The following PKHD1 variants were observed in gnomAD, a reference collection of about 807,000 sequenced individuals.
PKHD1 encodes the protein PKHD1 ciliary IPT domain containing fibrocystin/polyductin.
Under a neutral mutation model 412.0 loss-of-function variants are expected in PKHD1, and 291 were observed. The ratio of observed to expected loss-of-function variants is 0.71; its 90% CI spans 0.64 to 0.78. The LOEUF (loss-of-function observed/expected upper bound fraction) is 0.78, where lower values mean the gene tolerates loss of function less well. PKHD1 is among the 30% of genes least tolerant of loss of function. The probability of loss-of-function intolerance (pLI) is 0.00; values close to 1 mark genes in which losing one functional copy is unlikely to be tolerated. For missense variants in PKHD1, 4,825 were observed against 4,950.7 expected, an observed-to-expected ratio of 0.97 and a Z score of 0.76; for synonymous variants, 1,777 against 1,821.5, an observed-to-expected ratio of 0.98 and a Z score of 0.62.
intron 36 of PKHD1, among the ~76,000 whole-genome samples, chr6:51,941,443 G>A (rs1788549246): frequency 6.7e-6 from 1 of 149,432 alleles, no homozygotes; most frequent in Non-Finnish European, 1.5e-5. Flanking sequence ...TTTTAGTAGA[G>A]ACGGGGTTTC....
Position 52,033,168 on chromosome 6 carries a change from G to A in PKHD1, c.3229-3C>T. On this transcript the variant is annotated splice_region_variant and splice_polypyrimidine_tract_variant and intron_variant, in intron 28 of 66. Coordinates refer to ENST00000371117, the MANE Select transcript of PKHD1 (RefSeq NM_138694.4). ...TTCACAATGCGTCCATCTTTCCCCT[G>A]AAAAATCAATTTTAAAAATTAAACC... The A allele has an allele frequency of 6.2e-7, 1 of 1,611,244 alleles. No homozygotes were observed. Among genetic ancestry groups the A allele is most frequent in the Non-Finnish European group, 8.5e-7 (1 of 1,177,820 alleles).
intron 60 of PKHD1, among the ~76,000 whole-genome samples, chr6:51,665,204 G>A (rs1338729579): frequency 6.6e-6 from 1 of 151,992 alleles, no homozygotes; most frequent in Non-Finnish European, 1.5e-5. Flanking sequence ...TATATTTCAA[G>A]GCTATGTAGT....
intron 61 of PKHD1, among the ~76,000 whole-genome samples, chr6:51,654,470 A>G: frequency 6.6e-6 from 1 of 152,114 alleles, no homozygotes; most frequent in South Asian, 2.1e-4. Context: ...TTGGCATGTA[A>G]GCTTTCAAGA....
intron 35 of PKHD1, among the ~76,000 whole-genome samples, chr6:51,963,440 T>C (rs1209065343): frequency 4.6e-5 from 7 of 152,172 alleles, no homozygotes; most frequent in Non-Finnish European, 8.8e-5. Context: ...CTCATGCTTT[T>C]ACACAAAATA....
At chr6:51,758,985 A>T (rs1787532722) in intron 55 of PKHD1, among the ~76,000 whole-genome samples, 1 of 152,194 alleles carries the variant, frequency 6.6e-6, no homozygotes, top group South Asian at 2.1e-4. Flanking sequence ...ACAGGCTCAG[A>T]GTGTACATAT....
At chr6:52,072,256 C>A in intron 7 of PKHD1, 67 bp from the exon 8 acceptor site, 1 of 969,562 alleles carries the variant, frequency 1.0e-6, no homozygotes, top group South Asian at 1.3e-5. Flanking sequence ...ATAAACATTC[C>A]TCACAAAACT....
At chr6:51,702,890 A>ATTTTT (rs11447702) in intron 60 of PKHD1, among the ~76,000 whole-genome samples, 1 of 138,258 alleles carries the variant, frequency 7.2e-6, no homozygotes. Flanking sequence ...TCAGAAATCA[A>ATTTTT]TTTTTTTTTT....
chr6:51,777,532 A>G (rs112337513), intron 53 of PKHD1, among the ~76,000 whole-genome samples: 27 of 152,102 alleles, frequency 1.8e-4, no homozygotes, highest in African/African-American at 6.5e-4. Context: ...GATGTGCTAG[A>G]GCAGAAAGAA....
At chr6:51,979,238 G>A (rs1346099993) in intron 35 of PKHD1, among the ~76,000 whole-genome samples, 3 of 152,106 alleles carry the variant, frequency 2.0e-5, no homozygotes, top group African/African-American at 7.2e-5. Flanking sequence ...ACATCCTCAT[G>A]TAGGCCTTAG....
At chr6:51,987,595 A>G (rs937580033) in intron 35 of PKHD1, among the ~76,000 whole-genome samples, 4 of 152,244 alleles carry the variant, frequency 2.6e-5, no homozygotes, top group African/African-American at 9.6e-5. Context: ...CAAAAATAAT[A>G]AAAGTTTCAT....
chr6:51,814,491 A>G (rs1015003901), intron 52 of PKHD1, among the ~76,000 whole-genome samples: 1 of 152,234 alleles, frequency 6.6e-6, no homozygotes, highest in Non-Finnish European at 1.5e-5. Context: ...GAGAAAAGGT[A>G]ACCTCTGAAA....
At chr6:51,698,616 C>T (rs1183807378) in intron 60 of PKHD1, among the ~76,000 whole-genome samples, 1 of 152,050 alleles carries the variant, frequency 6.6e-6, no homozygotes, top group African/African-American at 2.4e-5. Flanking sequence ...TTAATAAATA[C>T]ATGGTTTCCA....
At chr6:51,753,492 T>TG (rs955957494) in intron 56 of PKHD1, 139 bp from the exon 57 acceptor site, 1 of 728,018 alleles carries the variant, frequency 1.4e-6, no homozygotes, top group African/African-American at 1.8e-5. Context: ...CTGCTTTTCC[T>TG]GGGGCATTCT....
chr6:51,625,973 T>C (rs1293854929), intron 66 of PKHD1, among the ~76,000 whole-genome samples: 1 of 152,176 alleles, frequency 6.6e-6, no homozygotes, highest in East Asian at 1.9e-4. Flanking sequence ...TACCACCTTC[T>C]GGTGCAGGTC....
intron 63 of PKHD1, among the ~76,000 whole-genome samples, chr6:51,645,510 C>T (rs1013627319): frequency 2.0e-5 from 3 of 152,084 alleles, no homozygotes; most frequent in Non-Finnish European, 1.5e-5. Context: ...CTCGTGCCTC[C>T]GCTTCCCAAG....
intron 49 of PKHD1, among the ~76,000 whole-genome samples, chr6:51,851,625 G>C (rs1325327852): frequency 1.3e-5 from 2 of 152,060 alleles, no homozygotes; most frequent in Non-Finnish European, 2.9e-5. Context: ...CTTCTTCCTG[G>C]ATTAGTCTTG....
rs376458818 is a variant in PKHD1, at chr6:51,744,460, C to T, written c.10081G>A (p.Ala3361Thr). Residue 3361 changes from alanine (A) to threonine (T), a missense_variant, in exon 60 of 67, where the codon GCC becomes ACC. Coordinates refer to ENST00000371117, the MANE Select transcript of PKHD1 (RefSeq NM_138694.4). ...KYLFKDLDGR[A>T]LGLPPPVSVF... ...GAAACTGGTGGAGGCAGACCCAGGG[C>T]TCTCCCATCCAGATCCTTGAAGAGA... 7 of 1,610,944 alleles carry T rather than the reference C, an allele frequency of 4.3e-6. No individual in the cohort carries two copies. In the African/African-American group the frequency reaches 5.3e-5, roughly 12 times the overall value.
intron 61 of PKHD1, among the ~76,000 whole-genome samples, chr6:51,649,999 G>T (rs1274467933): frequency 6.6e-6 from 1 of 152,112 alleles, no homozygotes; most frequent in African/African-American, 2.4e-5. Flanking sequence ...CTATGTGGTA[G>T]GTACTCTTAT....
Position 51,632,617 on chromosome 6 carries a change from C to G in PKHD1, c.11613G>C (p.Trp3871Cys). ...LAASLSSVAS[W>C]LALSCLVCCW... is the part of the protein sequence containing the mutation. The stretch of plus-strand genomic sequence containing the variant: ...AGCACACCAGACAGCTCAGAGCCAG[C>G]CATGAGGCCACAGAGGACAGGGAAG... The change falls in exon 65 of 67, where the codon TGG (tryptophan) becomes TGC (cysteine). Residue 3871 changes from tryptophan to cysteine, a missense_variant. Trp to Cys is a radical substitution (Grantham distance 215, BLOSUM62 -2). Transcript: ENST00000371117. The G allele has an allele frequency of 6.2e-7, 1 of 1,613,448 alleles. No homozygotes were observed. The highest frequency in any genetic ancestry group is 8.5e-7 in the Non-Finnish European group (1 of 1,179,610).
Sources: allele counts gnomAD v4.1 joint callset (sites outside exome capture counted in the v4.1 genomes callset), GRCh38; gene constraint gnomAD v4.1.1; transcripts MANE v1.5; gene names NCBI Gene and HGNC (gene_info 2026-07-23, HGNC 2026-07-21).